TMTC1: variants seen among roughly 807,000 people sequenced by gnomAD.
TMTC1 encodes protein O-mannosyl-transferase TMTC1.
Under a neutral mutation model 104.8 loss-of-function variants are expected in TMTC1, and 73 were observed. The ratio of observed to expected loss-of-function variants is 0.70; its 90% CI spans 0.58 to 0.85. The LOEUF is 0.85. Ranked by LOEUF, TMTC1 falls within the 40% of genes least tolerant of loss-of-function variation. The pLI is 0.00. For missense variants in TMTC1, 1,035 were observed against 1,096.1 expected, an observed-to-expected ratio of 0.94 and a Z score of 0.79; for synonymous variants, 434 against 428.7, an observed-to-expected ratio of 1.01 and a Z score of -0.15.
At chr12:29,620,530 T>G (rs765118520) in intron 6 of TMTC1, among the ~76,000 whole-genome samples, 3 of 152,362 alleles carry the variant, frequency 2.0e-5, no homozygotes, top group Middle Eastern at 3.4e-3. Context: ...TGATACAGTA[T>G]GTATCACATA....
intron 5 of TMTC1, among the ~76,000 whole-genome samples, chr12:29,676,132 T>C (rs10843475): frequency 0.47 from 71,819 of 152,028 alleles, 17,083 homozygotes; most frequent in East Asian, 0.52. Flanking sequence ...ACCTAAACAT[T>C]CAACAAAACT....
chr12:29,546,872 G>C (rs1051285559), intron 10 of TMTC1, among the ~76,000 whole-genome samples: 4 of 151,640 alleles, frequency 2.6e-5, no homozygotes, highest in East Asian at 3.9e-4. Context: ...CTGAACTCCA[G>C]CCTGGGCAAC....
At chr12:29,567,054 T>C (rs569398405) in intron 9 of TMTC1, among the ~76,000 whole-genome samples, 2 of 152,288 alleles carry the variant, frequency 1.3e-5, no homozygotes, top group South Asian at 4.1e-4. Flanking sequence ...AAGCGGGGTT[T>C]AAAAGTAAAT....
intron 12 of TMTC1, 42 bp downstream of exon 12, chr12:29,520,576 T>C (rs1944121210): frequency 6.7e-7 from 1 of 1,490,518 alleles, no homozygotes; most frequent in African/African-American, 1.4e-5. Context: ...TAAATTGTAT[T>C]AGCTAATCTC....
chr12:29,565,635 T>C (rs189491733), intron 9 of TMTC1, among the ~76,000 whole-genome samples: 2 of 152,070 alleles, frequency 1.3e-5, no homozygotes, highest in Admixed American at 1.3e-4. Context: ...TCACATGAGG[T>C]CAGGAGTTCA....
intron 5 of TMTC1, among the ~76,000 whole-genome samples, chr12:29,689,260 GTTTTT>G (rs35349904): frequency 6.8e-6 from 1 of 146,766 alleles, no homozygotes; most frequent in Non-Finnish European, 1.5e-5. Context: ...TAAGCCACTG[GTTTTT>G]TTTTTTTTAT....
At chr12:29,524,452 G>C (rs1258301149) in intron 11 of TMTC1, among the ~76,000 whole-genome samples, 3 of 152,144 alleles carry the variant, frequency 2.0e-5, no homozygotes, top group Admixed American at 1.3e-4. Flanking sequence ...ACAATCTAGA[G>C]TAATTTTATT....
At chr12:29,764,747 A>G (rs1159788511) in intron 2 of TMTC1, among the ~76,000 whole-genome samples, 1 of 151,862 alleles carries the variant, frequency 6.6e-6, no homozygotes, top group Non-Finnish European at 1.5e-5. Context: ...CTAAATAACT[A>G]CCCAGCTCTA....
intron 5 of TMTC1, among the ~76,000 whole-genome samples, chr12:29,694,003 TA>T (rs1353692093): frequency 6.6e-6 from 1 of 152,204 alleles, no homozygotes; most frequent in Non-Finnish European, 1.5e-5. Context: ...ATAGGTGTAT[TA>T]AAAATAGATT....
chr12:29,720,790 T>G (rs763434725), intron 5 of TMTC1, among the ~76,000 whole-genome samples: 19 of 152,134 alleles, frequency 1.2e-4, no homozygotes, highest in South Asian at 8.3e-4. Context: ...AGAAGCCCAT[T>G]CCACAGGTTC....
intron 17 of TMTC1, among the ~76,000 whole-genome samples, chr12:29,508,158 G>A (rs1269514608): frequency 6.6e-6 from 1 of 152,198 alleles, no homozygotes; most frequent in Non-Finnish European, 1.5e-5. Context: ...TGGTGAAAAG[G>A]AAAGTGGAAA....
chr12:29,713,802 T>C (rs1942003206), intron 5 of TMTC1, among the ~76,000 whole-genome samples: 1 of 152,168 alleles, frequency 6.6e-6, no homozygotes, highest in African/African-American at 2.4e-5. Context: ...CCATAATTAC[T>C]ATGGTGTGAA....
chr12:29,545,482 A>G (rs1944914091), intron 10 of TMTC1, among the ~76,000 whole-genome samples: 1 of 152,162 alleles, frequency 6.6e-6, no homozygotes, highest in South Asian at 2.1e-4. Flanking sequence ...TCTATTAAAA[A>G]TACAAAAATT....
intron 11 of TMTC1, among the ~76,000 whole-genome samples, chr12:29,532,405 A>G (rs574048967): frequency 8.5e-5 from 13 of 152,180 alleles, no homozygotes; most frequent in East Asian, 3.9e-4. Flanking sequence ...AAGCCCTAAG[A>G]AAAAAAAGCT....
chr12:29,598,338 CT>C (rs1434129884), intron 7 of TMTC1, among the ~76,000 whole-genome samples: 1 of 152,190 alleles, frequency 6.6e-6, no homozygotes, highest in African/African-American at 2.4e-5. Context: ...AATTTTTCTC[CT>C]TTTGCATTCT....
intron 17 of TMTC1, among the ~76,000 whole-genome samples, chr12:29,509,731 AG>A (rs1943781963): frequency 6.6e-6 from 1 of 152,228 alleles, no homozygotes; most frequent in South Asian, 2.1e-4. Flanking sequence ...TGGTCAGCCT[AG>A]TACATGATGT....
intron 6 of TMTC1, among the ~76,000 whole-genome samples, chr12:29,605,265 T>C (rs529808533): frequency 2.6e-4 from 40 of 152,062 alleles, no homozygotes; most frequent in Non-Finnish European, 5.1e-4. Context: ...ATTTCATAAA[T>C]GTAAATAAAA....
At chr12:29,636,820 G>A (rs985915047) in intron 5 of TMTC1, among the ~76,000 whole-genome samples, 1 of 151,460 alleles carries the variant, frequency 6.6e-6, no homozygotes, top group African/African-American at 2.4e-5. Flanking sequence ...CTAGCTGAGA[G>A]GACTGCTTGA....
At position 29,759,000 on chromosome 12, in the gene TMTC1, G is replaced by C. The variant is rs375225611; in HGVS notation, c.481-223C>G. ...AGGAAAAAAGAGGATGGACGGAAGG[G>C]GCAAGATTTCCACACTTTATTTTTA... On this transcript the variant is annotated intron_variant, in intron 2 of 17. Transcript: ENST00000539277. 4.6e-5 allele frequency among the ~76,000 whole-genome samples: 7 copies of C among 152,064 alleles called. No individual in the cohort carries two copies. The East Asian group carries it at 1.2e-3, about 25-fold the overall frequency.
Sources: gnomAD v4.1 joint callset for allele counts (sites outside exome capture counted in the v4.1 genomes callset) on GRCh38, gnomAD v4.1.1 for gene constraint, MANE v1.5 for transcripts, NCBI Gene and HGNC (gene_info 2026-07-23, HGNC 2026-07-21) for gene names.